Variants in CNTNAP2 observed in about 807,000 individuals in gnomAD.
CNTNAP2 encodes the protein contactin-associated protein-like 2.
In CNTNAP2, 98 loss-of-function variants were observed where a neutral mutation model predicts 155.2. The ratio of observed to expected loss-of-function variants is 0.63; its 90% CI spans 0.54 to 0.75. The LOEUF (loss-of-function observed/expected upper bound fraction) is 0.75, where lower values mean the gene tolerates loss of function less well. Ranked by LOEUF, CNTNAP2 falls within the 30% of genes least tolerant of loss-of-function variation. CNTNAP2 has a pLI of 0.00. For missense variants in CNTNAP2, 1,727 were observed against 1,688.1 expected, an observed-to-expected ratio of 1.02 and a Z score of -0.40; for synonymous variants, 651 against 631.2, an observed-to-expected ratio of 1.03 and a Z score of -0.47.
intron 9 of CNTNAP2, among the ~76,000 whole-genome samples, chr7:147,345,997 T>C (rs1795849257): frequency 6.6e-6 from 1 of 152,174 alleles, no homozygotes; most frequent in Non-Finnish European, 1.5e-5. Context: ...TTTCTACCCA[T>C]TAATTTTACG....
At chr7:147,985,146 ATAAC>A (rs1563157947) in intron 15 of CNTNAP2, among the ~76,000 whole-genome samples, 1 of 146,828 alleles carries the variant, frequency 6.8e-6, no homozygotes, top group African/African-American at 2.5e-5. Flanking sequence ...AAATAAATAA[ATAAC>A]TATTTACAAG....
At chr7:146,971,633 T>C (rs1357707) in intron 3 of CNTNAP2, among the ~76,000 whole-genome samples, 148,031 of 152,156 alleles carry the variant, frequency 0.97, 72,036 homozygotes, top group East Asian at 1. Flanking sequence ...GGTCCTCTGG[T>C]GAGGGTCCTT....
At chr7:146,638,390 A>G (rs938098204) in intron 1 of CNTNAP2, among the ~76,000 whole-genome samples, 1 of 151,174 alleles carries the variant, frequency 6.6e-6, no homozygotes, top group Admixed American at 6.6e-5. Flanking sequence ...GTATCACTGG[A>G]TATCTCATTT....
chr7:147,586,630 C>T (rs1436366513), intron 12 of CNTNAP2, among the ~76,000 whole-genome samples: 1 of 151,204 alleles, frequency 6.6e-6, no homozygotes, highest in East Asian at 2.0e-4. Flanking sequence ...AAGAATGAGG[C>T]AGAAACAAAA....
In CNTNAP2 at chr7:147,983,017, CAAAAAAAAAAA is replaced by C; in HGVS notation, c.2383+5037_2383+5047del. On this transcript the variant is annotated intron_variant, in intron 15 of 23. Transcript: ENST00000361727. ...TGGGTGACAGTGTGAGACTCCACCT[CAAAAAAAAAAA>C]AAAAAAAAGCAAAAACAGACAAGGC... Among the ~76,000 whole-genome samples the C allele has an allele frequency of 6.2e-5, 5 of 80,878 alleles. 1 individual carries two copies. The allele number at this position is 80,878 out of a possible 152,430, so 53.1% of individuals were successfully genotyped here. A position where few individuals can be genotyped will look rare whatever the true frequency, so the allele number is the denominator to read the frequency against.
chr7:146,898,551 T>TTG (rs113858833), intron 3 of CNTNAP2, among the ~76,000 whole-genome samples: 55 of 150,884 alleles, frequency 3.6e-4, no homozygotes, highest in East Asian at 7.8e-4. Flanking sequence ...ATGGCATCTA[T>TTG]TGTGTGTGTG....
intron 23 of CNTNAP2, among the ~76,000 whole-genome samples, chr7:148,414,133 G>A (rs1424750344): frequency 1.5e-5 from 2 of 136,492 alleles, no homozygotes; most frequent in Admixed American, 7.6e-5. Flanking sequence ...CTGGAGTGCA[G>A]TGGCACGATC....
chr7:146,749,781 TGTA>T (rs1371864985), intron 1 of CNTNAP2, among the ~76,000 whole-genome samples: 11 of 151,994 alleles, frequency 7.2e-5, no homozygotes, highest in Non-Finnish European at 1.5e-4. Context: ...TTTCAGGGGT[TGTA>T]GTATTACCAC....
At chr7:146,616,938 A>G (rs1283593141) in intron 1 of CNTNAP2, among the ~76,000 whole-genome samples, 2 of 152,184 alleles carry the variant, frequency 1.3e-5, no homozygotes, top group African/African-American at 4.8e-5. Context: ...GTGTTTAGTT[A>G]TTGTGAATCC....
chr7:146,579,743 C>G (rs562752454), intron 1 of CNTNAP2, among the ~76,000 whole-genome samples: 1 of 151,806 alleles, frequency 6.6e-6, no homozygotes, highest in East Asian at 1.9e-4. Context: ...AACAAACAAC[C>G]AAAAATACAA....
Position 147,454,237 on chromosome 7 carries a change from T to C in CNTNAP2, c.1671-31698T>C, listed in dbSNP as rs1251456407. Among the ~76,000 whole-genome samples the C allele has an allele frequency of 2.0e-5, 3 of 152,212 alleles. No homozygotes were observed. In the East Asian group the frequency reaches 5.8e-4, roughly 29 times the overall value. Reference sequence around the variant, plus strand: ...ATGCCATACATTTCTAGTTCAAACATGGAATTAATTTTCTTTGGTGGCTTT... The same window carrying C: ...ATGCCATACATTTCTAGTTCAAACACGGAATTAATTTTCTTTGGTGGCTTT... On this transcript the variant is annotated intron_variant, in intron 10 of 23. Transcript: ENST00000361727.
Position 147,823,730 on chromosome 7 carries a change from A to T in CNTNAP2, c.2099-79835A>T, listed in dbSNP as rs546071085. Among the ~76,000 whole-genome samples, 14 of 152,256 alleles carry T rather than the reference A, an allele frequency of 9.2e-5. No homozygotes were observed. The South Asian group carries it at 2.9e-3, about 32-fold the overall frequency. ...TTGCAAGCAAGGGCTTAAAAAAAAAAAAAATTACTGAAGCTACAGAATATG... is the reference window on the plus strand; with the variant it reads ...TTGCAAGCAAGGGCTTAAAAAAAAATAAAATTACTGAAGCTACAGAATATG... On this transcript the variant is annotated intron_variant, in intron 13 of 23. Coordinates refer to ENST00000361727, the MANE Select transcript of CNTNAP2 (RefSeq NM_014141.6).
At chr7:147,490,445 TG>T (rs1373510296) in intron 11 of CNTNAP2, among the ~76,000 whole-genome samples, 1 of 152,174 alleles carries the variant, frequency 6.6e-6, no homozygotes, top group Non-Finnish European at 1.5e-5. Flanking sequence ...ACAGCACACG[TG>T]AGAGGCGCAG....
At chr7:147,908,602 T>C (rs1800008948) in intron 14 of CNTNAP2, among the ~76,000 whole-genome samples, 1 of 152,214 alleles carries the variant, frequency 6.6e-6, no homozygotes, top group African/African-American at 2.4e-5. Context: ...TGGAGTGCAC[T>C]GTCACGATCA....
At position 147,925,243 on chromosome 7, in the gene CNTNAP2, C is replaced by A. The variant is rs1800371054; in HGVS notation, c.2255+21522C>A. 2.0e-5 allele frequency among the ~76,000 whole-genome samples: 3 copies of A among 150,444 alleles called. No individual in the cohort carries two copies. The South Asian group carries it at 6.3e-4, about 32-fold the overall frequency. ...CAGTTTTAGGTTCACAGCAAAGTAC[C>A]CCCTACCCCCTACACATATAATGCA... On this transcript the variant is annotated intron_variant, in intron 14 of 23. Coordinates refer to ENST00000361727, the MANE Select transcript of CNTNAP2 (RefSeq NM_014141.6).
Position 148,151,482 on chromosome 7 carries a change from G to A in CNTNAP2, c.2773+3773G>A, listed in dbSNP as rs149481839. 1.8e-4 allele frequency among the ~76,000 whole-genome samples: 28 copies of A among 152,020 alleles called. No homozygotes were observed. The East Asian group carries it at 5.4e-3, about 29-fold the overall frequency. ...CACCGTGACTGGCTAATTTTGTACA[G>A]AAAGGGTTTCACCATGTTGGCCAGG... On this transcript the variant is annotated intron_variant, in intron 17 of 23. Transcript: ENST00000361727.
Position 146,506,168 on chromosome 7 carries a change from A to C in CNTNAP2, c.98-268103A>C, listed in dbSNP as rs138623244. Among the ~76,000 whole-genome samples, 522 of 152,266 alleles carry C rather than the reference A, an allele frequency of 3.4e-3. 1 individual carries two copies. Among genetic ancestry groups the C allele is most frequent in the Non-Finnish European group, 6.0e-3 (409 of 68,014 alleles). On this transcript the variant is annotated intron_variant, in intron 1 of 23. Transcript: ENST00000361727. Reference sequence around the variant, plus strand: ...GTATGTTGTTGGTTGGCCATCCTGCAAGGGTAGGCAAACAGCAGACTGGTG... The same window carrying C: ...GTATGTTGTTGGTTGGCCATCCTGCCAGGGTAGGCAAACAGCAGACTGGTG...
intron 9 of CNTNAP2, among the ~76,000 whole-genome samples, chr7:147,352,952 T>C (rs1330672276): frequency 6.6e-6 from 1 of 151,750 alleles, no homozygotes; most frequent in Non-Finnish European, 1.5e-5. Context: ...GTAAACAGTC[T>C]TTACTAAGTA....
intron 1 of CNTNAP2, among the ~76,000 whole-genome samples, chr7:146,624,105 A>T (rs1362792846): frequency 6.6e-6 from 1 of 151,978 alleles, no homozygotes; most frequent in Non-Finnish European, 1.5e-5. Flanking sequence ...CCAATTTAGT[A>T]ATTGGGCTAT....
Sources: gnomAD v4.1 joint callset for allele counts (sites outside exome capture counted in the v4.1 genomes callset) on GRCh38, gnomAD v4.1.1 for gene constraint, MANE v1.5 for transcripts, NCBI Gene and HGNC (gene_info 2026-07-23, HGNC 2026-07-21) for gene names.